The following LYPD6 variants were observed in gnomAD, a reference collection of about 807,000 sequenced individuals.
LYPD6 encodes LY6/PLAUR domain containing 6.
LYPD6 carries 15 observed loss-of-function variants against 22.7 expected under a neutral mutation model. The ratio of observed to expected loss-of-function variants is 0.66; its 90% CI spans 0.44 to 1.02. The LOEUF is 1.02. LYPD6 is among the 50% of genes least tolerant of loss of function. The probability of loss-of-function intolerance (pLI) is 0.00; values close to 1 mark genes in which losing one functional copy is unlikely to be tolerated. For missense variants in LYPD6, 189 were observed against 208.4 expected (o/e 0.91, Z 0.57); for synonymous variants, 72 against 77.5 (o/e 0.93, Z 0.37).
At chr2:149,438,021 G>T (rs1416372753) in intron 2 of LYPD6, among the ~76,000 whole-genome samples, 195 bp downstream of exon 2, 2 of 152,110 alleles carry the variant, frequency 1.3e-5, no homozygotes, top group Admixed American at 1.3e-4. Context: ...TGGTGTTAAG[G>T]CAAATTATTG....
chr2:149,403,507 T>G (rs1230760376), intron 1 of LYPD6, among the ~76,000 whole-genome samples: 4 of 145,922 alleles, frequency 2.7e-5, no homozygotes, highest in South Asian at 2.2e-4. Flanking sequence ...TTTCATGTGT[T>G]TTTTGGCTGC....
intron 1 of LYPD6, among the ~76,000 whole-genome samples, chr2:149,435,937 T>A (rs1683421181): frequency 6.6e-6 from 1 of 152,228 alleles, no homozygotes; most frequent in East Asian, 1.9e-4. Context: ...ATGCATTTTA[T>A]GGTTTCAGCT....
chr2:149,393,749 C>T (rs143927394), intron 1 of LYPD6, among the ~76,000 whole-genome samples: 16 of 152,210 alleles, frequency 1.1e-4, no homozygotes, highest in African/African-American at 2.9e-4. Context: ...TGCTCTGTAC[C>T]GTGAGAGATG....
intron 1 of LYPD6, among the ~76,000 whole-genome samples, chr2:149,351,078 C>T (rs1681349283): frequency 6.6e-6 from 1 of 152,032 alleles, no homozygotes; most frequent in African/African-American, 2.4e-5. Flanking sequence ...TCTTAAAGAC[C>T]TTTTTCTCAC....
chr2:149,418,805 T>C (rs930846057), intron 1 of LYPD6, among the ~76,000 whole-genome samples: 1 of 152,202 alleles, frequency 6.6e-6, no homozygotes, highest in African/African-American at 2.4e-5. Flanking sequence ...TCTTAAAACC[T>C]AAATGACCAC....
At chr2:149,476,966 G>A (rs926118564), downstream of LYPD6, among the ~76,000 whole-genome samples, 1 of 152,152 alleles carries the variant, frequency 6.6e-6, no homozygotes, top group Non-Finnish European at 1.5e-5. Flanking sequence ...TGGGGAGAGG[G>A]ATCATGCTTG....
intron 1 of LYPD6, among the ~76,000 whole-genome samples, chr2:149,387,962 G>A (rs1023639434): frequency 2.6e-5 from 4 of 152,164 alleles, no homozygotes; most frequent in African/African-American, 9.7e-5. Context: ...TTGGTAGGGA[G>A]CACTGAAGGA....
intron 1 of LYPD6, among the ~76,000 whole-genome samples, chr2:149,357,547 G>T (rs1039932593): frequency 2.0e-5 from 3 of 152,078 alleles, no homozygotes; most frequent in Admixed American, 6.6e-5. Context: ...ACCTGTTTCA[G>T]CACAGATGAA....
At chr2:149,407,399 T>C (rs1682741587) in intron 1 of LYPD6, among the ~76,000 whole-genome samples, 1 of 152,230 alleles carries the variant, frequency 6.6e-6, no homozygotes, top group Non-Finnish European at 1.5e-5. Context: ...TCTTTTCACA[T>C]AGTCGCATAT....
intron 3 of LYPD6, among the ~76,000 whole-genome samples, chr2:149,465,221 G>A (rs1232916490): frequency 6.6e-6 from 1 of 152,162 alleles, no homozygotes; most frequent in Non-Finnish European, 1.5e-5. Context: ...CTAGGATGGA[G>A]AGTCCCACAG....
chr2:149,459,287 A>G (rs1414560250), intron 3 of LYPD6, among the ~76,000 whole-genome samples: 1 of 152,242 alleles, frequency 6.6e-6, no homozygotes, highest in Non-Finnish European at 1.5e-5. Context: ...TGAATCTTAT[A>G]TTCAGAGAAA....
intron 2 of LYPD6, among the ~76,000 whole-genome samples, chr2:149,438,684 G>C (rs183116336): frequency 6.6e-6 from 1 of 152,368 alleles, no homozygotes; most frequent in Non-Finnish European, 1.5e-5. Flanking sequence ...ATCAAACACA[G>C]TCCTTGCTTT....
chr2:149,438,776 G>T (rs1223165553), intron 2 of LYPD6, among the ~76,000 whole-genome samples: 11 of 152,226 alleles, frequency 7.2e-5, no homozygotes, highest in Admixed American at 7.2e-4. Context: ...ATGTCTGCTT[G>T]TTCTGGGTTA....
chr2:149,340,879 C>T (rs753924747), intron 1 of LYPD6, among the ~76,000 whole-genome samples: 23 of 152,066 alleles, frequency 1.5e-4, no homozygotes, highest in Non-Finnish European at 2.9e-4. Context: ...CACATCCCCC[C>T]AGAATATATT....
chr2:149,434,530 T>C (rs1414834531), intron 1 of LYPD6, among the ~76,000 whole-genome samples: 1 of 152,244 alleles, frequency 6.6e-6, no homozygotes, highest in Non-Finnish European at 1.5e-5. Context: ...TCAAATTAAG[T>C]CTTTTTCTAT....
intron 1 of LYPD6, among the ~76,000 whole-genome samples, chr2:149,382,238 A>G (rs974731040): frequency 1.3e-5 from 2 of 152,188 alleles, no homozygotes; most frequent in Non-Finnish European, 2.9e-5. Flanking sequence ...CTTAAGTGCA[A>G]AGTATTATCA....
chr2:149,424,287 G>T (rs1377033851), intron 1 of LYPD6, among the ~76,000 whole-genome samples: 1 of 152,138 alleles, frequency 6.6e-6, no homozygotes, highest in African/African-American at 2.4e-5. Context: ...CGCCCTTAAG[G>T]AGCTCAAAAT....
chr2:149,411,872 G>A (rs1682855781), intron 1 of LYPD6, among the ~76,000 whole-genome samples: 1 of 152,094 alleles, frequency 6.6e-6, no homozygotes, highest in African/African-American at 2.4e-5. Flanking sequence ...ACATATATAT[G>A]TATATGTATT....
chr2:149,483,447 G>A, the LYPD6 span, among the ~76,000 whole-genome samples: 1 of 151,000 alleles, frequency 6.6e-6, no homozygotes, highest in Non-Finnish European at 1.5e-5. Context: ...AGCATGAGAA[G>A]GTCTCTCCTT....
Sources: allele counts gnomAD v4.1 joint callset (sites outside exome capture counted in the v4.1 genomes callset), GRCh38; gene constraint gnomAD v4.1.1; transcripts MANE v1.5; gene names NCBI Gene and HGNC (gene_info 2026-07-23, HGNC 2026-07-21).